Variants in PPP4R1 observed in about 807,000 individuals in gnomAD.
PPP4R1 encodes protein phosphatase 4 regulatory subunit 1.
PPP4R1 carries 42 observed loss-of-function variants against 111.2 expected under a neutral mutation model. That is an observed-to-expected ratio of 0.38 (90% confidence interval 0.29 to 0.49). The LOEUF is 0.49. Ranked by LOEUF, PPP4R1 falls within the 20% of genes least tolerant of loss-of-function variation. PPP4R1 has a pLI of 0.97. For missense variants in PPP4R1, 1,012 were observed against 1,161.6 expected (o/e 0.87, Z 1.87); for synonymous variants, 409 against 405.5 (o/e 1.01, Z -0.10).
At chr18:9,559,293 C>T (rs1207950907) in intron 14 of PPP4R1, 126 bp downstream of exon 14, 3 of 954,576 alleles carry the variant, frequency 3.1e-6, no homozygotes, top group South Asian at 2.8e-5. Context: ...TAAGCTCTTC[C>T]ATACATAATT....
At chr18:9,598,491 C>G (rs1044457655) in intron 2 of PPP4R1, among the ~76,000 whole-genome samples, 3 of 152,022 alleles carry the variant, frequency 2.0e-5, no homozygotes, top group African/African-American at 7.2e-5. Flanking sequence ...AAAATACAAG[C>G]CAGAAGACAT....
At chr18:9,571,275 T>C (rs922591835) in intron 10 of PPP4R1, among the ~76,000 whole-genome samples, 3 of 152,178 alleles carry the variant, frequency 2.0e-5, no homozygotes, top group African/African-American at 7.2e-5. Context: ...TCATCTCTAC[T>C]CCCCAAGGTT....
intron 2 of PPP4R1, among the ~76,000 whole-genome samples, chr18:9,606,249 C>G (rs931015528): frequency 6.6e-6 from 1 of 152,150 alleles, no homozygotes; most frequent in African/African-American, 2.4e-5. Flanking sequence ...GATTTTATAG[C>G]ACAGTGAAGG....
At chr18:9,600,136 T>C (rs1262838056) in intron 2 of PPP4R1, among the ~76,000 whole-genome samples, 3 of 145,800 alleles carry the variant, frequency 2.1e-5, no homozygotes, top group Non-Finnish European at 3.0e-5. Flanking sequence ...ATCACTTCCA[T>C]ACAAAGGGAG....
At chr18:9,548,818 T>A (rs1172847117) in intron 19 of PPP4R1, among the ~76,000 whole-genome samples, 1 of 152,188 alleles carries the variant, frequency 6.6e-6, no homozygotes, top group Non-Finnish European at 1.5e-5. Context: ...CTGGGGAGGC[T>A]GAGGCAGAAG....
chr18:9,583,275 G>T lies in PPP4R1; in HGVS notation c.760C>A (p.Leu254Met). ...GAACAAAGCTGGAAAAATCTGGGCA[G>T]CTATGTGAAAAGGAAAGAGTCTTGT... is the stretch of plus-strand genomic sequence containing the variant. ...VGQQATEEMLLPRFFQLCSDN... is the reference protein window; with the variant it reads ...VGQQATEEMLMPRFFQLCSDN... The change falls in exon 9 of 20, where the codon CTG (leucine) becomes ATG (methionine). Residue 254 changes from leucine to methionine, a missense_variant and splice_region_variant. Coordinates refer to ENST00000400556, the MANE Select transcript of PPP4R1 (RefSeq NM_001042388.3). 6.4e-7 allele frequency: 1 copy of T among 1,553,274 alleles called. No individual in the cohort carries two copies. Among genetic ancestry groups the T allele is most frequent in the South Asian group, 1.2e-5 (1 of 83,072 alleles).
intron 2 of PPP4R1, among the ~76,000 whole-genome samples, chr18:9,610,825 A>G (rs1179932169): frequency 1.3e-5 from 2 of 151,810 alleles, no homozygotes; most frequent in Admixed American, 1.3e-4. Context: ...TTACTTGATA[A>G]AAGTTTAAGT....
intron 16 of PPP4R1, chr18:9,552,068 T>C (rs1022577560): frequency 3.3e-5 from 5 of 152,192 alleles, no homozygotes; most frequent in Non-Finnish European, 7.3e-5. Flanking sequence ...CAGAACTCAA[T>C]GGAGTGGCAT....
At chr18:9,574,425 A>T (rs1412740656) in intron 10 of PPP4R1, among the ~76,000 whole-genome samples, 1 of 152,246 alleles carries the variant, frequency 6.6e-6, no homozygotes, top group African/African-American at 2.4e-5. Flanking sequence ...CCTTCCAAGT[A>T]CTGTGAATTA....
chr18:9,616,811 T>C (rs918714320), upstream of PPP4R1, among the ~76,000 whole-genome samples: 5 of 152,208 alleles, frequency 3.3e-5, no homozygotes, highest in African/African-American at 1.2e-4. Context: ...AAGTTTTATC[T>C]CAGTATTCTG....
intron 2 of PPP4R1, among the ~76,000 whole-genome samples, chr18:9,609,974 A>G (rs1457828443): frequency 6.6e-6 from 1 of 152,248 alleles, no homozygotes; most frequent in Non-Finnish European, 1.5e-5. Flanking sequence ...TACACATCAC[A>G]GGACTGCTGT....
chr18:9,600,124 T>C (rs2067355756), intron 2 of PPP4R1, among the ~76,000 whole-genome samples: 1 of 149,844 alleles, frequency 6.7e-6, no homozygotes, highest in Non-Finnish European at 1.5e-5. Flanking sequence ...TCATGATTGA[T>C]AATCACTTCC....
chr18:9,615,914 C>T (rs990570817), upstream of PPP4R1, among the ~76,000 whole-genome samples: 1 of 152,152 alleles, frequency 6.6e-6, no homozygotes, highest in Non-Finnish European at 1.5e-5. Context: ...CCAAAAAATT[C>T]AGTCAGATAT....
chr18:9,568,810 C>A (rs566748402), intron 11 of PPP4R1, among the ~76,000 whole-genome samples: 1 of 152,022 alleles, frequency 6.6e-6, no homozygotes, highest in African/African-American at 2.4e-5. Context: ...CCAAGGCAGG[C>A]GGATCACCTG....
rs376420604 is a variant in PPP4R1 at position 9,547,420 on chromosome 18, T to C, written c.*369A>G. On this transcript the variant is annotated 3_prime_UTR_variant, in exon 20 of 20. Coordinates refer to ENST00000400556, the MANE Select transcript of PPP4R1 (RefSeq NM_001042388.3). ...AGGCTGTAAGAATTTCATTTGTCGATTGTTAAATAAAACCAGGAGAAAGCA... is the reference window on the plus strand; with the variant it reads ...AGGCTGTAAGAATTTCATTTGTCGACTGTTAAATAAAACCAGGAGAAAGCA... 3.3e-5 allele frequency: 6 copies of C among 181,646 alleles called. No individual in the cohort carries two copies. Among genetic ancestry groups the C allele is most frequent in the African/African-American group, 9.4e-5 (4 of 42,778 alleles). The allele number at this position is 181,646 out of a possible 1,614,324, so 11.3% of individuals were successfully genotyped here.
At chr18:9,586,129 T>C (rs1653806540) in intron 6 of PPP4R1, among the ~76,000 whole-genome samples, 2 of 151,958 alleles carry the variant, frequency 1.3e-5, no homozygotes, top group South Asian at 4.1e-4. Flanking sequence ...ATTATTTTTA[T>C]TAAGAAATTA....
At chr18:9,573,904 T>C (rs913883615) in intron 10 of PPP4R1, among the ~76,000 whole-genome samples, 3 of 152,210 alleles carry the variant, frequency 2.0e-5, no homozygotes, top group Admixed American at 1.3e-4. Context: ...ATGATTTTTT[T>C]AAAAGGAAAC....
chr18:9,608,267 A>G (rs927843827), intron 2 of PPP4R1, among the ~76,000 whole-genome samples: 1 of 152,218 alleles, frequency 6.6e-6, no homozygotes, highest in Non-Finnish European at 1.5e-5. Flanking sequence ...AGAAAAAGTT[A>G]ACTTGCTCAG....
At chr18:9,603,375 T>C (rs1015975551) in intron 2 of PPP4R1, among the ~76,000 whole-genome samples, 1 of 152,174 alleles carries the variant, frequency 6.6e-6, no homozygotes, top group East Asian at 1.9e-4. Flanking sequence ...CATTAAGAGA[T>C]GCCTTTTTGA....
Sources: allele counts gnomAD v4.1 joint callset (sites outside exome capture counted in the v4.1 genomes callset), GRCh38; gene constraint gnomAD v4.1.1; transcripts MANE v1.5; gene names NCBI Gene and HGNC (gene_info 2026-07-23, HGNC 2026-07-21).